Variants in ARCN1 observed in about 807,000 individuals in gnomAD.
ARCN1 encodes the protein coatomer subunit delta.
Under a neutral mutation model 60.4 loss-of-function variants are expected in ARCN1, and 5 were observed. The observed-to-expected ratio is 0.08, with a 90% CI of 0.04 to 0.17. ARCN1 has a LOEUF of 0.17. Ranked by LOEUF, ARCN1 falls within the 10% of genes least tolerant of loss-of-function variation. ARCN1 has a pLI of 1.00. For synonymous variants in ARCN1, 224 were observed against 220.0 expected, an observed-to-expected ratio of 1.02 and a Z score of -0.16; for missense variants, 464 against 626.5, an observed-to-expected ratio of 0.74 and a Z score of 2.77.
chr11:118,593,728 G>C, intron 8 of ARCN1, 30 bp downstream of exon 8: 1 of 1,489,736 alleles, frequency 6.7e-7, no homozygotes, highest in South Asian at 1.1e-5. Flanking sequence ...CCTCTACGGT[G>C]GACTTAGAGA....
chr11:118,588,363 T>C (rs1173651869), intron 5 of ARCN1, among the ~76,000 whole-genome samples: 1 of 152,140 alleles, frequency 6.6e-6, no homozygotes, highest in Non-Finnish European at 1.5e-5. Context: ...GGTTCTTTTT[T>C]CTAAGGGCTG....
In ARCN1 at chr11:118,584,564, T is replaced by C; in HGVS notation, c.738T>C (p.Gly246=). The C allele has an allele frequency of 6.2e-7, 1 of 1,614,038 alleles. No homozygotes were observed. The highest frequency in any genetic ancestry group is 8.5e-7 in the Non-Finnish European group (1 of 1,179,990). The change falls in exon 5 of 10, where the codon GGT becomes GGC. Residue 246 remains glycine, a synonymous_variant. Coordinates refer to ENST00000264028, the MANE Select transcript of ARCN1 (RefSeq NM_001655.5). ...DNFVDKLKSE[G]ETIMSSSMGK... ...TTGTGGACAAATTAAAATCTGAAGG[T>C]GAAACCATCATGTCCTCTAGTATGG...
At chr11:118,580,353 G>T (rs1938623187) in intron 1 of ARCN1, among the ~76,000 whole-genome samples, 1 of 152,060 alleles carries the variant, frequency 6.6e-6, no homozygotes, top group Non-Finnish European at 1.5e-5. Flanking sequence ...TGTGAATTCT[G>T]ATCCTCAGGA....
chr11:118,595,688 A>G (rs191595607), intron 8 of ARCN1, among the ~76,000 whole-genome samples: 30 of 152,362 alleles, frequency 2.0e-4, no homozygotes, highest in Admixed American at 2.6e-4. Context: ...CCTCATGATT[A>G]AGCACAATGT....
chr11:118,581,536 T>C (rs1555074640), intron 2 of ARCN1, 27 bp downstream of exon 2: 4 of 1,570,070 alleles, frequency 2.5e-6, no homozygotes, highest in Non-Finnish European at 2.6e-6. Context: ...AATACTGGGT[T>C]CCACTTTTTG....
At chr11:118,583,502 T>G (rs1938706415) in intron 3 of ARCN1, 144 bp downstream of exon 3, 1 of 1,073,150 alleles carries the variant, frequency 9.3e-7, no homozygotes, top group Non-Finnish European at 1.3e-6. Context: ...GTCTGTAATC[T>G]CAGCACTTTG....
intron 5 of ARCN1, among the ~76,000 whole-genome samples, chr11:118,586,109 C>T (rs1555075466): frequency 1.3e-5 from 2 of 151,870 alleles, no homozygotes; most frequent in South Asian, 2.1e-4. Flanking sequence ...TTCTTTCTTC[C>T]TTTCTTTCTT....
chr11:118,588,111 C>T (rs782204522), intron 5 of ARCN1, among the ~76,000 whole-genome samples: 1 of 152,162 alleles, frequency 6.6e-6, no homozygotes, highest in Non-Finnish European at 1.5e-5. Context: ...TTCCCAGACC[C>T]TGTCCTCTTG....
intron 6 of ARCN1, among the ~76,000 whole-genome samples, chr11:118,591,023 G>A (rs142080239): frequency 6.6e-6 from 1 of 152,166 alleles, no homozygotes; most frequent in Non-Finnish European, 1.5e-5. Context: ...TTAGCCAGGC[G>A]TGGTGGCACA....
chr11:118,589,482 T>A (rs2135548403), intron 5 of ARCN1, among the ~76,000 whole-genome samples: 1 of 152,260 alleles, frequency 6.6e-6, no homozygotes, highest in East Asian at 1.9e-4. Flanking sequence ...CAGGCTGGAG[T>A]GCAGTGGCAC....
intron 5 of ARCN1, among the ~76,000 whole-genome samples, chr11:118,585,326 CT>C (rs1938754940): frequency 6.6e-6 from 1 of 152,058 alleles, no homozygotes; most frequent in African/African-American, 2.4e-5. Context: ...AAGTTTAGAA[CT>C]TTCCTTTTAC....
rs1938702041 is a variant in ARCN1 at position 118,583,316 on chromosome 11, A to G, written c.405A>G (p.Glu135=). Residue 135 remains glutamate, a synonymous_variant, in exon 3 of 10, where the codon GAA becomes GAG. Transcript: ENST00000264028. ...VNLAQIRTFT[E]MDSHEEKVFR... is the part of the protein sequence containing the mutation. Reference sequence around the variant, plus strand: ...TGGCACAGATCAGAACCTTCACAGAAATGGATTCTCATGAGGAGAAGGTGT... The same window carrying G: ...TGGCACAGATCAGAACCTTCACAGAGATGGATTCTCATGAGGAGAAGGTGT... 2 of 1,614,002 alleles carry G rather than the reference A, an allele frequency of 1.2e-6. No homozygotes were observed. The highest frequency in any genetic ancestry group is 1.7e-5 in the Admixed American group (1 of 59,994).
intron 5 of ARCN1, among the ~76,000 whole-genome samples, chr11:118,589,385 T>C (rs536452798): frequency 6.6e-6 from 1 of 152,296 alleles, no homozygotes; most frequent in South Asian, 2.1e-4. Flanking sequence ...TTGTTTGTTT[T>C]CTCACCATTG....
At chr11:118,585,896 C>T (rs1169227762) in intron 5 of ARCN1, among the ~76,000 whole-genome samples, 2 of 152,150 alleles carry the variant, frequency 1.3e-5, no homozygotes. Context: ...CATCTCTTAT[C>T]TCAGGGCTGT....
rs1189768477 is a variant in ARCN1, at chr11:118,590,349, T to C, written c.827T>C (p.Met276Thr). 5 of 1,613,054 alleles carry C rather than the reference T, an allele frequency of 3.1e-6. No homozygotes were observed. The highest frequency in any genetic ancestry group is 1.3e-5 in the African/African-American group (1 of 74,908). The change falls in exon 6 of 10, where the codon ATG becomes ACG. Residue 276 changes from methionine (M) to threonine (T), a missense_variant. Physicochemically the swap from Met to Thr is moderately conservative, Grantham distance 81 (BLOSUM62 -1). Transcript: ENST00000264028. ...TTACTTTCTCTTTATAGTGTACATA[T>C]GAAGATTGAAGAAAAGATAACATTA... ...APPINMESVHMKIEEKITLTC... is the reference protein window; with the variant it reads ...APPINMESVHTKIEEKITLTC...
chr11:118,599,424 GT>G (rs1196562525), intron 9 of ARCN1, among the ~76,000 whole-genome samples: 5 of 151,736 alleles, frequency 3.3e-5, no homozygotes, highest in African/African-American at 1.2e-4. Context: ...CATTCTTCCA[GT>G]TTTTATTGTT....
At chr11:118,586,184 C>G (rs1938774764) in intron 5 of ARCN1, among the ~76,000 whole-genome samples, 1 of 152,144 alleles carries the variant, frequency 6.6e-6, no homozygotes, top group East Asian at 1.9e-4. Context: ...CAACCTCCAC[C>G]TCCCGGGGTC....
chr11:118,575,111 T>G (rs1386729943), intron 1 of ARCN1, among the ~76,000 whole-genome samples: 3 of 152,118 alleles, frequency 2.0e-5, no homozygotes, highest in Non-Finnish European at 4.4e-5. Flanking sequence ...CCTGAGTAGC[T>G]GGGACTGCAG....
chr11:118,599,415 A>G (rs782349335), intron 9 of ARCN1, among the ~76,000 whole-genome samples: 11 of 150,316 alleles, frequency 7.3e-5, no homozygotes, highest in Non-Finnish European at 1.5e-4. Flanking sequence ...TTAACTCATC[A>G]TTCTTCCAGT....
Sources: gnomAD v4.1 joint callset for allele counts (sites outside exome capture counted in the v4.1 genomes callset) on GRCh38, gnomAD v4.1.1 for gene constraint, MANE v1.5 for transcripts, NCBI Gene and HGNC (gene_info 2026-07-23, HGNC 2026-07-21) for gene names.